PARG: variants seen among roughly 807,000 people sequenced by gnomAD.
The protein encoded by PARG is mitochondrial poly(ADP-ribose) glycohydrolase.
In PARG, 35 loss-of-function variants were observed where a neutral mutation model predicts 113.0. That is an observed-to-expected ratio of 0.31 (90% CI 0.24 to 0.41). The LOEUF (loss-of-function observed/expected upper bound fraction) is 0.41. PARG is among the 10% of genes least tolerant of loss of function. PARG has a pLI of 1.00. For synonymous variants in PARG, 330 were observed against 409.9 expected, an observed-to-expected ratio of 0.81 and a Z score of 2.36; for missense variants, 797 against 1,169.4, an observed-to-expected ratio of 0.68 and a Z score of 4.64.
chr10:49,856,394 G>C (rs1265543981), intron 13 of PARG, among the ~76,000 whole-genome samples: 2 of 151,718 alleles, frequency 1.3e-5, no homozygotes, highest in Non-Finnish European at 1.5e-5. Context: ...TGGCCAGGCT[G>C]GTCTTGAACT....
chr10:49,820,141 G>A, intron 17 of PARG, 24 bp downstream of exon 17: 1 of 1,489,198 alleles, frequency 6.7e-7, no homozygotes. Context: ...TAGATACCAA[G>A]TGTCAAGAGT....
intron 16 of PARG, among the ~76,000 whole-genome samples, chr10:49,820,957 G>A (rs1323017987): frequency 6.6e-6 from 1 of 152,104 alleles, no homozygotes; most frequent in African/African-American, 2.4e-5. Context: ...TAATTGCTGT[G>A]TCTTATCACA....
At chr10:49,819,596 C>A in intron 17 of PARG, 102 bp from the exon 18 acceptor site, 2 of 843,950 alleles carry the variant, frequency 2.4e-6, no homozygotes, top group South Asian at 3.6e-5. Flanking sequence ...GGCATATGCT[C>A]AGACTTGGCT....
intron 7 of PARG, among the ~76,000 whole-genome samples, chr10:49,897,534 T>G (rs547326798): frequency 6.6e-6 from 1 of 152,312 alleles, no homozygotes; most frequent in East Asian, 1.9e-4. Flanking sequence ...ACAAAAAAAT[T>G]TAAACATCTT....
intron 11 of PARG, among the ~76,000 whole-genome samples, chr10:49,862,026 G>C (rs552102241): frequency 7.5e-4 from 114 of 151,624 alleles, no homozygotes; most frequent in African/African-American, 2.5e-3. Context: ...AAAAAATTTG[G>C]CAATAAATCA....
chr10:49,868,518 TC>T (rs1846631906), intron 10 of PARG, among the ~76,000 whole-genome samples: 1 of 152,100 alleles, frequency 6.6e-6, no homozygotes, highest in Non-Finnish European at 1.5e-5. Flanking sequence ...AGCAATACAT[TC>T]AAGGGGGAAG....
chr10:49,831,913 T>C (rs1554830316), intron 16 of PARG, among the ~76,000 whole-genome samples: 2 of 152,148 alleles, frequency 1.3e-5, no homozygotes, highest in African/African-American at 4.8e-5. Context: ...GGGATTCCCC[T>C]GAAACTTGTG....
chr10:49,920,497 T>TATATATAC (rs1420781831), intron 6 of PARG, among the ~76,000 whole-genome samples: 1 of 63,724 alleles, frequency 1.6e-5, no homozygotes, highest in Non-Finnish European at 3.2e-5. Context: ...TATATATATA[T>TATATATAC]ACACACACAC....
intron 6 of PARG, among the ~76,000 whole-genome samples, chr10:49,921,621 T>C (rs1837877452): frequency 1.3e-5 from 2 of 151,980 alleles, no homozygotes; most frequent in African/African-American, 4.8e-5. Flanking sequence ...TGAGAAACTA[T>C]ATACAACAAA....
At chr10:49,870,371 C>A (rs1232543381) in intron 9 of PARG, among the ~76,000 whole-genome samples, 1 of 151,960 alleles carries the variant, frequency 6.6e-6, no homozygotes, top group Non-Finnish European at 1.5e-5. Context: ...CCTCCAGAAC[C>A]ATGAGAAAAT....
chr10:49,934,797 C>T (rs1173988405), intron 2 of PARG, among the ~76,000 whole-genome samples: 4 of 151,040 alleles, frequency 2.6e-5, no homozygotes, highest in South Asian at 4.2e-4. Flanking sequence ...TGCAGTTAGC[C>T]GAGATCACGC....
intron 10 of PARG, among the ~76,000 whole-genome samples, chr10:49,868,334 T>C (rs1322890920): frequency 6.6e-6 from 1 of 152,192 alleles, no homozygotes; most frequent in Non-Finnish European, 1.5e-5. Context: ...TAATTTGATT[T>C]TGTGTCTCAT....
At chr10:49,848,995 C>T (rs1278965987) in intron 13 of PARG, among the ~76,000 whole-genome samples, 12 of 151,876 alleles carry the variant, frequency 7.9e-5, no homozygotes, top group Admixed American at 2.0e-4. Context: ...CGGGAGTTCG[C>T]GAGCAGCCTG....
At position 49,819,088 on chromosome 10, in the gene PARG, C is replaced by T. The variant is rs990143438; in HGVS notation, c.*252G>A. ...AGATCTGATGGACAAAAGAAATAAA[C>T]ATCAAAGAATGAAAAACTGAAATAG... On this transcript the variant is annotated 3_prime_UTR_variant, in exon 18 of 18. Coordinates refer to ENST00000616448, the MANE Select transcript of PARG (RefSeq NM_003631.5). The T allele has an allele frequency of 4.9e-5, 16 of 329,564 alleles. No individual in the cohort carries two copies. Among genetic ancestry groups the T allele is most frequent in the Non-Finnish European group, 8.3e-5 (15 of 180,954 alleles). The allele number at this position is 329,564 out of a possible 1,614,324, so 20.4% of individuals were successfully genotyped here.
chr10:49,839,982 C>G (rs1307694751), intron 15 of PARG, among the ~76,000 whole-genome samples: 1 of 152,194 alleles, frequency 6.6e-6, no homozygotes, highest in African/African-American at 2.4e-5. Flanking sequence ...TCTTATTCTA[C>G]TCGATATGCT....
chr10:49,840,049 C>T (rs1588882919), intron 15 of PARG, among the ~76,000 whole-genome samples: 1 of 152,182 alleles, frequency 6.6e-6, no homozygotes, highest in Admixed American at 6.5e-5. Context: ...GAGTTTGGAA[C>T]AGTGAAAATA....
chr10:49,856,137 A>G (rs1845973782), intron 13 of PARG, among the ~76,000 whole-genome samples: 1 of 151,884 alleles, frequency 6.6e-6, no homozygotes, highest in East Asian at 1.9e-4. Context: ...CTCCCATATT[A>G]GCGTAAAGAA....
At chr10:49,831,833 T>C (rs1365652235) in intron 16 of PARG, among the ~76,000 whole-genome samples, 2 of 152,154 alleles carry the variant, frequency 1.3e-5, no homozygotes, top group African/African-American at 2.4e-5. Flanking sequence ...TAGTAAATTA[T>C]GGAACCTGAG....
At chr10:49,909,318 G>A (rs1837035367) in intron 7 of PARG, among the ~76,000 whole-genome samples, 1 of 150,774 alleles carries the variant, frequency 6.6e-6, no homozygotes, top group Non-Finnish European at 1.5e-5. Context: ...ATTTCTTCCA[G>A]CCATTACTTT....
Sources: gnomAD v4.1 joint callset for allele counts (sites outside exome capture counted in the v4.1 genomes callset) on GRCh38, gnomAD v4.1.1 for gene constraint, MANE v1.5 for transcripts, NCBI Gene and HGNC (gene_info 2026-07-23, HGNC 2026-07-21) for gene names.